The following CNTN1 variants were observed in gnomAD, a reference collection of about 807,000 sequenced individuals.
The protein encoded by CNTN1 is contactin 1.
Under a neutral mutation model 126.4 loss-of-function variants are expected in CNTN1, and 38 were observed. That is an observed-to-expected ratio of 0.30 (90% confidence interval 0.23 to 0.39). The LOEUF (loss-of-function observed/expected upper bound fraction) is 0.39, where lower values mean the gene tolerates loss of function less well. Ranked by LOEUF, CNTN1 falls within the 10% of genes least tolerant of loss-of-function variation. CNTN1 has a pLI of 1.00. For missense variants in CNTN1, 1,009 were observed against 1,248.4 expected, an observed-to-expected ratio of 0.81 and a Z score of 2.89; for synonymous variants, 413 against 422.6, an observed-to-expected ratio of 0.98 and a Z score of 0.28.
chr12:40,938,156 G>A (rs1946146358), intron 11 of CNTN1, among the ~76,000 whole-genome samples: 1 of 152,172 alleles, frequency 6.6e-6, no homozygotes, highest in South Asian at 2.1e-4. Context: ...AAATCTGCTT[G>A]GAGTCTGCCA....
chr12:40,835,118 G>A (rs1023783697), intron 1 of CNTN1, among the ~76,000 whole-genome samples: 4 of 152,106 alleles, frequency 2.6e-5, no homozygotes, highest in Non-Finnish European at 5.9e-5. Context: ...AGCTTATGTT[G>A]TTTTTGTCTA....
intron 17 of CNTN1, among the ~76,000 whole-genome samples, chr12:40,998,670 T>G (rs969917615): frequency 6.6e-6 from 1 of 152,098 alleles, no homozygotes; most frequent in African/African-American, 2.4e-5. Flanking sequence ...TCTTCAGAAT[T>G]ATATACTTAA....
intron 23 of CNTN1, among the ~76,000 whole-genome samples, chr12:41,056,725 T>C (rs1949809249): frequency 6.6e-6 from 1 of 151,742 alleles, no homozygotes; most frequent in South Asian, 2.1e-4. Context: ...CAGATTACTT[T>C]CTTTTAATCT....
chr12:40,952,237 A>G (rs11179169), intron 14 of CNTN1, among the ~76,000 whole-genome samples: 1,684 of 152,234 alleles, frequency 0.011, 32 homozygotes, highest in African/African-American at 0.038. Context: ...TTAATGTAAA[A>G]TCTCAAGGTC....
intron 1 of CNTN1, among the ~76,000 whole-genome samples, chr12:40,833,850 A>G (rs896977950): frequency 2.0e-5 from 3 of 152,240 alleles, no homozygotes; most frequent in Admixed American, 2.0e-4. Context: ...TTTGTCAAAC[A>G]ACTAAATCAA....
chr12:40,868,260 G>C (rs1211035513), intron 1 of CNTN1, among the ~76,000 whole-genome samples: 1 of 152,100 alleles, frequency 6.6e-6, no homozygotes, highest in Non-Finnish European at 1.5e-5. Flanking sequence ...CCGTTTGAAT[G>C]CTAAGTTTTC....
intron 23 of CNTN1, among the ~76,000 whole-genome samples, chr12:41,038,426 C>T (rs1367959575): frequency 6.6e-6 from 1 of 151,972 alleles, no homozygotes; most frequent in Non-Finnish European, 1.5e-5. Context: ...TTGTAGATGG[C>T]CGTGTCTTCC....
intron 23 of CNTN1, among the ~76,000 whole-genome samples, chr12:41,058,281 A>G (rs1201636637): frequency 6.6e-6 from 1 of 152,158 alleles, no homozygotes; most frequent in Non-Finnish European, 1.5e-5. Flanking sequence ...ATCATTGACA[A>G]ACACCTAAAA....
At chr12:41,000,119 A>G (rs1255863292) in intron 17 of CNTN1, among the ~76,000 whole-genome samples, 2 of 152,174 alleles carry the variant, frequency 1.3e-5, no homozygotes, top group African/African-American at 2.4e-5. Context: ...AAACATGATA[A>G]AATGGAAAGA....
chr12:40,778,737 T>G (rs1053732285), intron 1 of CNTN1, among the ~76,000 whole-genome samples: 12 of 151,848 alleles, frequency 7.9e-5, no homozygotes, highest in African/African-American at 2.9e-4. Flanking sequence ...TGCCAGATTT[T>G]TATTGGAACT....
intron 15 of CNTN1, among the ~76,000 whole-genome samples, chr12:40,975,991 C>T (rs1238176871): frequency 6.6e-6 from 1 of 152,104 alleles, no homozygotes; most frequent in Non-Finnish European, 1.5e-5. Flanking sequence ...AACTCGAGAG[C>T]ATGGGTAGGG....
intron 14 of CNTN1, among the ~76,000 whole-genome samples, chr12:40,950,259 G>A (rs561481230): frequency 1.3e-5 from 2 of 151,972 alleles, no homozygotes; most frequent in African/African-American, 4.8e-5. Context: ...CCTCAAGAAA[G>A]ATATTAAAAA....
chr12:40,891,471 T>C (rs562699577), intron 1 of CNTN1, among the ~76,000 whole-genome samples: 1 of 152,178 alleles, frequency 6.6e-6, no homozygotes, highest in Non-Finnish European at 1.5e-5. Flanking sequence ...GTTATTTCCA[T>C]ACCTACTTTC....
intron 17 of CNTN1, among the ~76,000 whole-genome samples, chr12:41,002,220 C>T (rs1282289350): frequency 6.6e-6 from 1 of 152,104 alleles, no homozygotes; most frequent in Admixed American, 6.5e-5. Flanking sequence ...CTATAAATTG[C>T]TTTGGGCAGT....
intron 1 of CNTN1, among the ~76,000 whole-genome samples, chr12:40,785,808 A>T (rs6581954): frequency 6.6e-6 from 1 of 152,140 alleles, no homozygotes; most frequent in South Asian, 2.1e-4. Context: ...GAGGCCTGAC[A>T]GTAGGATACT....
intron 23 of CNTN1, among the ~76,000 whole-genome samples, chr12:41,054,163 T>A (rs1450936555): frequency 2.6e-5 from 4 of 151,874 alleles, no homozygotes; most frequent in Admixed American, 2.6e-4. Flanking sequence ...AAAGTCTCTA[T>A]ACTATCCTTT....
chr12:40,744,066 T>C (rs1205163119), intron 1 of CNTN1, among the ~76,000 whole-genome samples: 1 of 151,996 alleles, frequency 6.6e-6, no homozygotes, highest in Non-Finnish European at 1.5e-5. Context: ...TTTTCACTTA[T>C]AAGTGGAAGC....
At chr12:40,807,525 A>G (rs1489167370) in intron 1 of CNTN1, among the ~76,000 whole-genome samples, 1 of 152,134 alleles carries the variant, frequency 6.6e-6, no homozygotes, top group Non-Finnish European at 1.5e-5. Flanking sequence ...CCAAAGGCCA[A>G]AGCCTCTCAT....
chr12:41,004,330 G>T (rs950632609), intron 17 of CNTN1, among the ~76,000 whole-genome samples: 5 of 151,986 alleles, frequency 3.3e-5, no homozygotes, highest in Non-Finnish European at 7.4e-5. Context: ...CATTTCTTTT[G>T]CATTTTCTGA....
Sources: allele counts gnomAD v4.1 joint callset (sites outside exome capture counted in the v4.1 genomes callset), GRCh38; gene constraint gnomAD v4.1.1; transcripts MANE v1.5; gene names NCBI Gene and HGNC (gene_info 2026-07-23, HGNC 2026-07-21).